CRYGN: variants seen among roughly 807,000 people sequenced by gnomAD.
CRYGN encodes the protein gamma-crystallin N.
In CRYGN, 17 loss-of-function variants were observed where a neutral mutation model predicts 19.2. The observed-to-expected ratio is 0.89, with a 90% CI of 0.61 to 1.33. The LOEUF is 1.33. Ranked by LOEUF, CRYGN falls within the 40% of genes most tolerant of loss-of-function variation. CRYGN has a pLI of 0.00. For synonymous variants in CRYGN, 84 were observed against 85.8 expected (o/e 0.98, Z 0.12); for missense variants, 239 against 239.6 (o/e 1.00, Z 0.02).
rs929886571 is a variant in CRYGN at position 151,430,446 on chromosome 7, G to A, written c.417-266C>T. Among the ~76,000 whole-genome samples, 31 of 152,146 alleles carry A rather than the reference G, an allele frequency of 2.0e-4. No homozygotes were observed. Among genetic ancestry groups the A allele is most frequent in the African/African-American group, 7.5e-4 (31 of 41,444 alleles). On this transcript the variant is annotated intron_variant, in intron 3 of 3. Transcript: ENST00000337323. The surrounding 1 kb of genome is among the most constrained non-coding windows in gnomAD (Gnocchi z 5.2). ...TCTTGGGTGAATTGGGTGACCCATC[G>A]TGACTCTTTTTCCATTGCTCTCTCA...
At chr7:151,437,170 T>C (rs1415403933) in intron 2 of CRYGN, among the ~76,000 whole-genome samples, 1 of 152,188 alleles carries the variant, frequency 6.6e-6, no homozygotes, top group African/African-American at 2.4e-5. Context: ...TTGCAACTGA[T>C]ACAGAAAAGA....
rs553484427 is a variant in CRYGN, at chr7:151,430,832, G to T, written c.417-652C>A. ...GAACTGAGAGGCCAGTCGGGAGCCA[G>T]TTGGTTGGGGGGACTCTGGGATCGC... On this transcript the variant is annotated intron_variant, in intron 3 of 3. Coordinates refer to ENST00000337323, the MANE Select transcript of CRYGN (RefSeq NM_144727.3). This position sits in a 1 kb window ranked among gnomAD's most constrained non-coding sequence, Gnocchi z 5.2. 1.2e-4 allele frequency among the ~76,000 whole-genome samples: 18 copies of T among 152,338 alleles called. No individual in the cohort carries two copies. Among genetic ancestry groups the T allele is most frequent in the Admixed American group, 3.9e-4 (6 of 15,310 alleles).
Position 151,436,018 on chromosome 7 carries a change from G to C in CRYGN, c.416+162C>G, listed in dbSNP as rs34805782. On this transcript the variant is annotated intron_variant, in intron 3 of 3. Coordinates refer to ENST00000337323, the MANE Select transcript of CRYGN (RefSeq NM_144727.3). The surrounding 1 kb of genome is among the most constrained non-coding windows in gnomAD (Gnocchi z 5.1). ...CTGCTTGACTGGGGCAGGTGAGGCA[G>C]CTGAGGAAAGGAGAGGGCCTGTGGG... 0.1 allele frequency among the ~76,000 whole-genome samples: 15,329 copies of C among 152,128 alleles called. 1,324 individuals are homozygous for C. The highest frequency in any genetic ancestry group is 0.42 in the East Asian group (2,139 of 5,118).
intron 2 of CRYGN, among the ~76,000 whole-genome samples, chr7:151,437,472 C>T (rs147713997): frequency 2.5e-3 from 388 of 152,364 alleles, no homozygotes; most frequent in Admixed American, 0.022. Flanking sequence ...CTCGTCTGCC[C>T]TCCCTGCACA....
Position 151,436,084 on chromosome 7 carries a change from CCCCA to C in CRYGN, c.416+92_416+95del. 1 of 1,041,470 alleles carries C rather than the reference CCCCA, an allele frequency of 9.6e-7. No individual in the cohort carries two copies. The highest frequency in any genetic ancestry group is 3.3e-5 in the South Asian group (1 of 30,390). 64.5% of individuals were successfully genotyped at this position (1,041,470 alleles called of 1,614,324 possible). A position where few individuals can be genotyped will look rare whatever the true frequency, so the allele number is the denominator to read the frequency against. On this transcript the variant is annotated intron_variant, in intron 3 of 3. Transcript: ENST00000337323. The surrounding 1 kb of genome is among the most constrained non-coding windows in gnomAD (Gnocchi z 5.1). Reference sequence around the variant, plus strand: ...CCCACTGCTGGAGGTCTCATTCCCACCCCACCCACCACCCCTGTGTGGCGGGCAG... The same window carrying C: ...CCCACTGCTGGAGGTCTCATTCCCACCCCACCACCCCTGTGTGGCGGGCAG...
rs2150904942 is a variant in CRYGN, at chr7:151,430,429, G to A, written c.417-249C>T. On this transcript the variant is annotated intron_variant, in intron 3 of 3. Transcript: ENST00000337323. The surrounding 1 kb of genome is among the most constrained non-coding windows in gnomAD (Gnocchi z 5.2). ...CTCTTGGTGGGGAATTGTCTTGGGTGAATTGGGTGACCCATCGTGACTCTT... is the reference window on the plus strand; with the variant it reads ...CTCTTGGTGGGGAATTGTCTTGGGTAAATTGGGTGACCCATCGTGACTCTT... Among the ~76,000 whole-genome samples, 1 of 152,258 alleles carries A rather than the reference G, an allele frequency of 6.6e-6. No homozygotes were observed. Among genetic ancestry groups the A allele is most frequent in the South Asian group, 2.1e-4 (1 of 4,820 alleles).
Position 151,438,000 on chromosome 7 carries a change from C to T in CRYGN, c.266G>A (p.Gly89Glu), listed in dbSNP as rs1801660955. The T allele has an allele frequency of 6.2e-7, 1 of 1,612,952 alleles. No homozygotes were observed. The highest frequency in any genetic ancestry group is 1.3e-5 in the African/African-American group (1 of 74,946). ...TCGGTGGACGGGCCCACTCACCATT[C>T]CTACAGGCCGACAGGAGCCCATGTG... ...SDHMGSCRPV[G>E]MHGEHFRLEI... Residue 89 changes from glycine (G) to glutamate (E), a missense_variant, in exon 2 of 4, where the codon GGA (glycine) becomes GAA (glutamate). Physicochemically the swap from Gly to Glu is moderately conservative, Grantham distance 98. Transcript: ENST00000337323.
At chr7:151,432,539 C>T (rs1801496890) in intron 3 of CRYGN, among the ~76,000 whole-genome samples, 1 of 152,222 alleles carries the variant, frequency 6.6e-6, no homozygotes. Flanking sequence ...CATGGGGGCT[C>T]ACGCCTGTAA....
Position 151,429,910 on chromosome 7 carries a change from T to C in CRYGN, c.*138A>G, listed in dbSNP as rs1243615145. On this transcript the variant is annotated 3_prime_UTR_variant, in exon 4 of 4. Coordinates refer to ENST00000337323, the MANE Select transcript of CRYGN (RefSeq NM_144727.3). ...GCCATGGGTGGGGAGGGCCTCCCGC[T>C]GGCAGATATGACACACAGAAGGCTC... is the stretch of plus-strand genomic sequence containing the variant. 1 of 701,820 alleles carries C rather than the reference T, an allele frequency of 1.4e-6. No homozygotes were observed. Among genetic ancestry groups the C allele is most frequent in the Non-Finnish European group, 2.6e-6 (1 of 380,052 alleles). The allele number at this position is 701,820 out of a possible 1,614,324, so 43.5% of individuals were successfully genotyped here.
chr7:151,435,183 C>T lies in CRYGN; in HGVS notation c.416+997G>A, dbSNP rs1039650798. 3.3e-5 allele frequency among the ~76,000 whole-genome samples: 5 copies of T among 152,208 alleles called. No homozygotes were observed. Among genetic ancestry groups the T allele is most frequent in the African/African-American group, 1.2e-4 (5 of 41,442 alleles). On this transcript the variant is annotated intron_variant, in intron 3 of 3. Transcript: ENST00000337323. The surrounding 1 kb of genome is among the most constrained non-coding windows in gnomAD (Gnocchi z 4.2). ...TCTGTAGTATAGACGGCAAATTGTT[C>T]CTCAATTGCTTCGATAGGCGCCAGA...
rs577483995 is a variant in CRYGN, at chr7:151,433,617, C to T, written c.416+2563G>A. On this transcript the variant is annotated intron_variant, in intron 3 of 3. Coordinates refer to ENST00000337323, the MANE Select transcript of CRYGN (RefSeq NM_144727.3). The surrounding 1 kb of genome is among the most constrained non-coding windows in gnomAD (Gnocchi z 5.1). ...TCATGGCCCCCGTATCCATGCCCCTCCACACCTACAGCTTTCCAACCCCAC... is the reference window on the plus strand; with the variant it reads ...TCATGGCCCCCGTATCCATGCCCCTTCACACCTACAGCTTTCCAACCCCAC... The T allele has an allele frequency of 6.4e-6, 1 of 155,174 alleles. No individual in the cohort carries two copies. Among genetic ancestry groups the T allele is most frequent in the East Asian group, 1.9e-4 (1 of 5,184 alleles). 9.6% of individuals were successfully genotyped at this position (155,174 alleles called of 1,614,324 possible).
chr7:151,433,956 G>A lies in CRYGN; in HGVS notation c.416+2224C>T, dbSNP rs961861472. 5.3e-5 allele frequency among the ~76,000 whole-genome samples: 8 copies of A among 152,102 alleles called. No homozygotes were observed. The highest frequency in any genetic ancestry group is 1.5e-5 in the Non-Finnish European group (1 of 68,006). ...TCCCTCCGAGAGCCCACCAGGACAC[G>A]GGTCTGAGGGGATGGGTCATGCCTG... On this transcript the variant is annotated intron_variant, in intron 3 of 3. Coordinates refer to ENST00000337323, the MANE Select transcript of CRYGN (RefSeq NM_144727.3). This position sits in a 1 kb window ranked among gnomAD's most constrained non-coding sequence, Gnocchi z 5.1.
chr7:151,432,589 T>C (rs10230645), intron 3 of CRYGN, among the ~76,000 whole-genome samples: 23,881 of 152,142 alleles, frequency 0.16, 3,129 homozygotes, highest in African/African-American at 0.36. Flanking sequence ...AGATCTCTTG[T>C]AGTCAGGAGT....
Position 151,436,236 on chromosome 7 carries a change from C to T in CRYGN, c.360G>A (p.Gln120=). Residue 120 remains glutamine (Q), a synonymous_variant, in exon 3 of 4, where the codon CAG becomes CAA. Transcript: ENST00000337323. The surrounding 1 kb of genome is among the most constrained non-coding windows in gnomAD (Gnocchi z 5.1). The part of the protein sequence containing the change: ...LEFLEDSPFL[Q]SRGWVKNCVN... ...CACAGTTCTTGACCCAGCCCCTGCT[C>T]TGGAGGAAGGGGCTGTCCTCCAGGA... 1 of 1,597,970 alleles carries T rather than the reference C, an allele frequency of 6.3e-7. No individual in the cohort carries two copies. The highest frequency in any genetic ancestry group is 8.5e-7 in the Non-Finnish European group (1 of 1,171,910).
At chr7:151,437,794 C>T in intron 2 of CRYGN, 1 of 1,438,944 alleles carries the variant, frequency 6.9e-7, no homozygotes, top group East Asian at 2.5e-5. Context: ...AAACTCAGGG[C>T]CACTCCCACT....
At chr7:151,437,747 C>T in intron 2 of CRYGN, 1 of 1,208,838 alleles carries the variant, frequency 8.3e-7, no homozygotes. Flanking sequence ...AGATTTTTGG[C>T]TCCGAAACTT....
At position 151,429,690 on chromosome 7, in the gene CRYGN, A is replaced by T. The variant is rs551631538; in HGVS notation, c.*358T>A. On this transcript the variant is annotated 3_prime_UTR_variant, in exon 4 of 4. Transcript: ENST00000337323. ...TTGGCATTATTGTATATGATAAGTAAAATTACACAGATTCCAGCTACTACA... is the reference window on the plus strand; with the variant it reads ...TTGGCATTATTGTATATGATAAGTATAATTACACAGATTCCAGCTACTACA... The T allele has an allele frequency of 3.1e-6, 1 of 321,984 alleles. No homozygotes were observed. Among genetic ancestry groups the T allele is most frequent in the East Asian group, 7.5e-5 (1 of 13,330 alleles). 19.9% of individuals were successfully genotyped at this position (321,984 alleles called of 1,614,324 possible).
In CRYGN at chr7:151,439,906, G is replaced by A; in HGVS notation, c.12C>T (p.Arg4=). 1 of 1,554,074 alleles carries A rather than the reference G, an allele frequency of 6.4e-7. No homozygotes were observed. The stretch of plus-strand genomic sequence containing the variant: ...TGAGGGACGCACTCACCTTCCCCGA[G>A]CGCTGCGCCATGGTGCGCCCCGCCC... MAQ[R]SGKITLYEGK... The change falls in exon 1 of 4, where the codon CGC becomes CGT. Residue 4 remains arginine, a synonymous_variant. Coordinates refer to ENST00000337323, the MANE Select transcript of CRYGN (RefSeq NM_144727.3).
rs887003472 is a variant in CRYGN at position 151,436,116 on chromosome 7, T to C, written c.416+64A>G. On this transcript the variant is annotated intron_variant, in intron 3 of 3. Coordinates refer to ENST00000337323, the MANE Select transcript of CRYGN (RefSeq NM_144727.3). The surrounding 1 kb of genome is among the most constrained non-coding windows in gnomAD (Gnocchi z 5.1). ...CACCACCCCTGTGTGGCGGGCAGCC[T>C]CCCACGCCTGGTGCTGAAGGGCCTA... 1.5e-6 allele frequency: 2 copies of C among 1,313,866 alleles called. No individual in the cohort carries two copies. Among genetic ancestry groups the C allele is most frequent in the African/African-American group, 3.0e-5 (2 of 66,014 alleles). 81.4% of individuals were successfully genotyped at this position (1,313,866 alleles called of 1,614,324 possible).
Sources: gnomAD v4.1 joint callset for allele counts (sites outside exome capture counted in the v4.1 genomes callset) on GRCh38, gnomAD v4.1.1 for gene constraint, Gnocchi (gnomAD v3.1) non-coding constraint, MANE v1.5 for transcripts, NCBI Gene and HGNC (gene_info 2026-07-23, HGNC 2026-07-21) for gene names.